The following ADGRE3 variants were observed in gnomAD, a reference collection of about 807,000 sequenced individuals.
ADGRE3 encodes adhesion G protein-coupled receptor E3, also known as EGF-like module receptor 3.
ADGRE3 carries 88 observed loss-of-function variants against 80.1 expected under a neutral mutation model. That is an observed-to-expected ratio of 1.10 (90% CI 0.93 to 1.31). The LOEUF (loss-of-function observed/expected upper bound fraction) is 1.31. Ranked by LOEUF, ADGRE3 falls within the 40% of genes most tolerant of loss-of-function variation. The pLI is 0.00. For synonymous variants in ADGRE3, 281 were observed against 294.8 expected (o/e 0.95, Z 0.48); for missense variants, 715 against 776.5 (o/e 0.92, Z 0.94).
At position 14,619,955 on chromosome 19, in the gene ADGRE3, A is replaced by G. The variant is rs569702972; in HGVS notation, c.1921-484T>C. On this transcript the variant is annotated intron_variant, in intron 15 of 15. Transcript: ENST00000253673. ...GAGGTTAGTGCTTCCTAGCCTAGTTATAAGAGTTGTGGGCAAGAAGTTCAA... is the reference window on the plus strand; with the variant it reads ...GAGGTTAGTGCTTCCTAGCCTAGTTGTAAGAGTTGTGGGCAAGAAGTTCAA... 3.9e-5 allele frequency among the ~76,000 whole-genome samples: 6 copies of G among 152,310 alleles called. No individual in the cohort carries two copies. The East Asian group carries it at 1.2e-3, about 29-fold the overall frequency.
chr19:14,637,416 C>A (rs1387251737), intron 11 of ADGRE3, among the ~76,000 whole-genome samples: 5 of 136,160 alleles, frequency 3.7e-5, no homozygotes, highest in Admixed American at 1.5e-4. Context: ...TTTTTTGAGA[C>A]AAGGTCTTGA....
chr19:14,635,444 T>G lies in ADGRE3; in HGVS notation c.1485-2142A>C, dbSNP rs150923064. On this transcript the variant is annotated intron_variant, in intron 11 of 15. Transcript: ENST00000253673. ...TTTTTTTTGAGACAGAGTTTCGCTC[T>G]TGTTGCCCAGGCTGGAGAGTGCAAT... 5.0e-3 allele frequency among the ~76,000 whole-genome samples: 752 copies of G among 150,056 alleles called. 15 individuals are homozygous for G. Among genetic ancestry groups the G allele is most frequent in the Admixed American group, 0.032 (473 of 14,968 alleles).
Position 14,640,852 on chromosome 19 carries a change from AT to A in ADGRE3, c.1248+566del, listed in dbSNP as rs571424663. On this transcript the variant is annotated intron_variant, in intron 10 of 15. Coordinates refer to ENST00000253673, the MANE Select transcript of ADGRE3 (RefSeq NM_032571.5). Reference sequence around the variant, plus strand: ...GGGTTTCTGCTTTTGGATCTTCCTCATTTTTTCTCTTGCAGCCACCATGTAA... The same window carrying A: ...GGGTTTCTGCTTTTGGATCTTCCTCATTTTTCTCTTGCAGCCACCATGTAA... Among the ~76,000 whole-genome samples the A allele has an allele frequency of 3.2e-3, 488 of 151,860 alleles. 2 individuals are homozygous for A. Among genetic ancestry groups the A allele is most frequent in the South Asian group, 0.018 (88 of 4,802 alleles).
downstream of ADGRE3, among the ~76,000 whole-genome samples, chr19:14,617,341 C>CCTCTCTCTCTCTCTCTTTCTCT: frequency 5.3e-3 from 305 of 57,230 alleles, 2 homozygotes; most frequent in Middle Eastern, 8.5e-3. Flanking sequence ...TCCCTCCCTC[C>CCTCTCTCTCTCTCTCTTTCTCT]CTTTCTTTCT....
chr19:14,666,966 A>G (rs1972122479), intron 2 of ADGRE3, among the ~76,000 whole-genome samples: 1 of 152,102 alleles, frequency 6.6e-6, no homozygotes, highest in Non-Finnish European at 1.5e-5. Flanking sequence ...ATATGACTTC[A>G]TTTGGAAACA....
intron 11 of ADGRE3, 82 bp from the exon 12 acceptor site, chr19:14,633,384 G>C: frequency 9.4e-7 from 1 of 1,069,100 alleles, no homozygotes; most frequent in Non-Finnish European, 1.4e-6. Flanking sequence ...TTTCCTACCA[G>C]AGAATTGTTT....
chr19:14,659,381 C>A (rs1419631865), intron 4 of ADGRE3, among the ~76,000 whole-genome samples: 1 of 152,118 alleles, frequency 6.6e-6, no homozygotes, highest in Non-Finnish European at 1.5e-5. Context: ...GAAATTAGAA[C>A]TGAAATGTCC....
At chr19:14,628,610 C>G in intron 14 of ADGRE3, 2 of 243,500 alleles carry the variant, frequency 8.2e-6, no homozygotes, top group Non-Finnish European at 1.7e-5. Context: ...TTCTCTTTAA[C>G]GAGGCAGTTA....
At chr19:14,664,394 G>C (rs576474095) in intron 2 of ADGRE3, among the ~76,000 whole-genome samples, 2 of 152,216 alleles carry the variant, frequency 1.3e-5, no homozygotes, top group East Asian at 3.9e-4. Flanking sequence ...CCGAGATCGC[G>C]CCATTGTGAT....
intron 6 of ADGRE3, among the ~76,000 whole-genome samples, chr19:14,653,076 G>A (rs760210942): frequency 3.9e-5 from 6 of 151,910 alleles, no homozygotes; most frequent in South Asian, 2.1e-4. Context: ...TCTGTCCCCC[G>A]GGTTCAAGCG....
At chr19:14,607,550 A>ATTTATTTAT in the ADGRE3 span, among the ~76,000 whole-genome samples, 7 of 141,402 alleles carry the variant, frequency 5.0e-5, no homozygotes, top group African/African-American at 1.6e-4. Flanking sequence ...ATTTTATTTT[A>ATTTATTTAT]TTATTTATTT....
intron 5 of ADGRE3, among the ~76,000 whole-genome samples, chr19:14,656,469 A>G (rs1216778062): frequency 6.6e-6 from 1 of 151,824 alleles, no homozygotes; most frequent in East Asian, 1.9e-4. Context: ...TAGATTTTAT[A>G]TTCAGGCACT....
At chr19:14,633,038 G>T in intron 12 of ADGRE3, 26 bp from the exon 13 acceptor site, 1 of 1,563,856 alleles carries the variant, frequency 6.4e-7, no homozygotes, top group South Asian at 1.1e-5. Flanking sequence ...AAACAAGGCA[G>T]AGTGCAAGTT....
the ADGRE3 span, chr19:14,610,170 A>G: frequency 6.3e-7 from 1 of 1,579,818 alleles, no homozygotes; most frequent in African/African-American, 1.3e-5. Context: ...TACGTATTGG[A>G]TTTGTGAGCG....
rs1173314767 is a variant in ADGRE3 at position 14,636,081 on chromosome 19, CCTTTCTTTCTTT to C, written c.1484+2012_1484+2023del. 8.5e-4 allele frequency among the ~76,000 whole-genome samples: 21 copies of C among 24,678 alleles called. 1 individual carries two copies. The highest frequency in any genetic ancestry group is 0.029 in the Middle Eastern group (1 of 34). 16.2% of individuals were successfully genotyped at this position (24,678 alleles called of 152,430 possible). Reference sequence around the variant, plus strand: ...CCTTCCTTTCCTTTCCTTTCCTTTCCCTTTCTTTCTTTCTTTCTTTCTTTCTTTCTTTCTTTC... The same window carrying C: ...CCTTCCTTTCCTTTCCTTTCCTTTCCCTTTCTTTCTTTCTTTCTTTCTTTC... On this transcript the variant is annotated intron_variant, in intron 11 of 15. Transcript: ENST00000253673.
chr19:14,636,929 A>G (rs1252807177), intron 11 of ADGRE3, among the ~76,000 whole-genome samples: 1 of 151,988 alleles, frequency 6.6e-6, no homozygotes, highest in East Asian at 1.9e-4. Flanking sequence ...CCCCATCTCT[A>G]CTAAAAGTAC....
At chr19:14,639,467 C>T (rs1971187915) in intron 10 of ADGRE3, among the ~76,000 whole-genome samples, 1 of 151,768 alleles carries the variant, frequency 6.6e-6, no homozygotes, top group South Asian at 2.1e-4. Flanking sequence ...ACAGTGGTTG[C>T]AATCATAGCT....
chr19:14,616,394 G>A (rs1416892392), downstream of ADGRE3, among the ~76,000 whole-genome samples: 1 of 152,036 alleles, frequency 6.6e-6, no homozygotes, highest in African/African-American at 2.4e-5. Context: ...GATGCTATGG[G>A]ATGAGTGTCA....
chr19:14,674,050 A>T (rs2146921214), intron 1 of ADGRE3, among the ~76,000 whole-genome samples: 1 of 152,268 alleles, frequency 6.6e-6, no homozygotes. Context: ...TAAAATTATC[A>T]TTTATTTTCT....
Sources: allele counts gnomAD v4.1 joint callset (sites outside exome capture counted in the v4.1 genomes callset), GRCh38; gene constraint gnomAD v4.1.1; transcripts MANE v1.5; gene names NCBI Gene and HGNC (gene_info 2026-07-23, HGNC 2026-07-21).